COA1: variants seen among roughly 807,000 people sequenced by gnomAD.
COA1 encodes cytochrome c oxidase assembly factor 1 homolog.
A neutral mutation model predicts 16.0 loss-of-function variants in COA1; 13 were observed. That is an observed-to-expected ratio of 0.81 (90% confidence interval 0.53 to 1.29). The LOEUF (loss-of-function observed/expected upper bound fraction) is 1.29. Among genes scored for constraint, COA1 ranks in the 50% most tolerant of loss-of-function variants. The pLI is 0.00. For synonymous variants in COA1, 65 were observed against 65.7 expected (o/e 0.99, Z 0.05); for missense variants, 179 against 177.0 (o/e 1.01, Z -0.06).
intron 1 of COA1, among the ~76,000 whole-genome samples, chr7:43,683,624 ACT>A (rs200066751): frequency 0.01 from 1,583 of 151,768 alleles, 30 homozygotes; most frequent in African/African-American, 0.037. Flanking sequence ...ACAGAGCGAG[ACT>A]CTGTCTCAAA....
At chr7:43,644,817 G>GAGAGAGAGAGAGACAGAGAGACAGAGAC (rs1554501887) in intron 4 of COA1, among the ~76,000 whole-genome samples, 2 of 126,614 alleles carry the variant, frequency 1.6e-5, no homozygotes, top group Non-Finnish European at 3.8e-5. Flanking sequence ...GAGAGAGAGA[G>GAGAGAGAGAGAGACAGAGAGACAGAGAC]AGAGAGAGAG....
intron 1 of COA1, among the ~76,000 whole-genome samples, chr7:43,653,527 GCTGA>G (rs2153119900): frequency 6.6e-6 from 1 of 152,132 alleles, no homozygotes; most frequent in South Asian, 2.1e-4. Context: ...AAATGTTAGC[GCTGA>G]CTTTTTAACC....
intron 1 of COA1, among the ~76,000 whole-genome samples, chr7:43,722,113 C>G (rs569322103): frequency 7.1e-6 from 1 of 141,780 alleles, no homozygotes; most frequent in South Asian, 2.2e-4. Flanking sequence ...TTTTTTGAGA[C>G]AGGGTCTCAC....
At chr7:43,681,698 G>A (rs1447809372) in intron 1 of COA1, among the ~76,000 whole-genome samples, 1 of 152,166 alleles carries the variant, frequency 6.6e-6, no homozygotes, top group Non-Finnish European at 1.5e-5. Context: ...ACAGTCCATG[G>A]CTGAATTTAT....
chr7:43,616,561 G>A (rs988140863), intron 6 of COA1, among the ~76,000 whole-genome samples: 7 of 152,172 alleles, frequency 4.6e-5, no homozygotes, highest in Admixed American at 4.6e-4. Flanking sequence ...ATAGAAAAGG[G>A]TAGGAAGGAT....
intron 1 of COA1, chr7:43,656,201 A>G (rs1364498589): frequency 2.0e-5 from 3 of 152,260 alleles, no homozygotes; most frequent in African/African-American, 4.8e-5. Context: ...GTAAGCTACT[A>G]AATTTTGACA....
intron 6 of COA1, among the ~76,000 whole-genome samples, chr7:43,630,714 A>G (rs1002928995): frequency 6.6e-6 from 1 of 152,242 alleles, no homozygotes; most frequent in East Asian, 1.9e-4. Flanking sequence ...CAGTACAGAT[A>G]CATCTTTACG....
At chr7:43,640,228 CA>C (rs1400919947) in intron 5 of COA1, among the ~76,000 whole-genome samples, 1 of 152,230 alleles carries the variant, frequency 6.6e-6, no homozygotes, top group Admixed American at 6.5e-5. Context: ...AATTCTGGAA[CA>C]AGAGTCCATG....
intron 1 of COA1, among the ~76,000 whole-genome samples, chr7:43,714,778 C>A (rs1193762873): frequency 6.6e-6 from 1 of 151,626 alleles, no homozygotes; most frequent in Non-Finnish European, 1.5e-5. Flanking sequence ...GAAACCAATG[C>A]AGATGGATCA....
chr7:43,675,182 A>T (rs189456971), intron 1 of COA1, among the ~76,000 whole-genome samples: 2 of 152,354 alleles, frequency 1.3e-5, no homozygotes, highest in Admixed American at 1.3e-4. Flanking sequence ...GAACCAACCC[A>T]AATGTCCAAC....
chr7:43,640,901 G>A, intron 4 of COA1: 1 of 393,692 alleles, frequency 2.5e-6, no homozygotes, highest in Non-Finnish European at 4.5e-6. Flanking sequence ...CAATGCTCTG[G>A]GTACTTCCAA....
At chr7:43,708,502 A>C (rs954072664) in intron 1 of COA1, among the ~76,000 whole-genome samples, 32 of 151,816 alleles carry the variant, frequency 2.1e-4, no homozygotes, top group African/African-American at 7.7e-4. Flanking sequence ...CCATATTCCC[A>C]CAATCCCTCT....
chr7:43,695,988 G>T (rs925108490), intron 1 of COA1, among the ~76,000 whole-genome samples: 2 of 152,142 alleles, frequency 1.3e-5, no homozygotes, highest in Non-Finnish European at 2.9e-5. Flanking sequence ...ATTTACAAAA[G>T]AAAGAGGTTT....
intron 1 of COA1, among the ~76,000 whole-genome samples, chr7:43,653,290 C>T (rs961364728): frequency 1.3e-5 from 2 of 150,712 alleles, no homozygotes; most frequent in African/African-American, 4.9e-5. Flanking sequence ...CCAGCCTGGG[C>T]GACAAAGCGA....
At chr7:43,620,119 A>T (rs1040081672) in intron 6 of COA1, among the ~76,000 whole-genome samples, 5 of 152,186 alleles carry the variant, frequency 3.3e-5, no homozygotes, top group African/African-American at 1.2e-4. Flanking sequence ...AGAAGTGTGG[A>T]GCAGAGAGGG....
At chr7:43,612,559 T>G (rs2082970725) in intron 6 of COA1, among the ~76,000 whole-genome samples, 1 of 152,222 alleles carries the variant, frequency 6.6e-6, no homozygotes, top group Non-Finnish European at 1.5e-5. Context: ...AATCCCAATA[T>G]GTATGGTAAT....
chr7:43,698,287 G>A (rs193120062), intron 1 of COA1, among the ~76,000 whole-genome samples: 2 of 152,260 alleles, frequency 1.3e-5, no homozygotes, highest in East Asian at 3.9e-4. Context: ...AACTTAAAAC[G>A]CTTTTTTTTC....
chr7:43,721,619 T>C (rs1032581202), intron 1 of COA1, among the ~76,000 whole-genome samples: 10 of 152,252 alleles, frequency 6.6e-5, no homozygotes, highest in Middle Eastern at 3.4e-3. Context: ...ACTTTTTGGT[T>C]TTGGTTATTT....
chr7:43,673,443 A>T (rs551477054), intron 1 of COA1, among the ~76,000 whole-genome samples: 18 of 152,378 alleles, frequency 1.2e-4, no homozygotes, highest in African/African-American at 3.4e-4. Context: ...CCACAATGAG[A>T]TACCATCTCA....
Sources: allele counts gnomAD v4.1 joint callset (sites outside exome capture counted in the v4.1 genomes callset), GRCh38; gene constraint gnomAD v4.1.1; transcripts MANE v1.5; gene names NCBI Gene and HGNC (gene_info 2026-07-23, HGNC 2026-07-21).